Variants in EPHB1 observed in about 807,000 individuals in gnomAD.
The protein encoded by EPHB1 is EPH receptor B1, also known as ephrin type-B receptor 1.
A neutral mutation model predicts 94.4 loss-of-function variants in EPHB1; 30 were observed. That is an observed-to-expected ratio of 0.32 (90% confidence interval 0.24 to 0.43). EPHB1 has a LOEUF of 0.43. Ranked by LOEUF, EPHB1 falls within the 20% of genes least tolerant of loss-of-function variation. The pLI is 1.00. For missense variants in EPHB1, 1,055 were observed against 1,308.3 expected (o/e 0.81, Z 2.99); for synonymous variants, 522 against 489.1 (o/e 1.07, Z -0.89).
At chr3:134,812,284 A>G (rs540118835) in intron 1 of EPHB1, among the ~76,000 whole-genome samples, 26 of 152,242 alleles carry the variant, frequency 1.7e-4, no homozygotes, top group African/African-American at 6.3e-4. Context: ...GCCTCCCTTC[A>G]CTGCTGACCC....
Position 135,249,421 on chromosome 3 carries a change from G to C in EPHB1, c.2776G>C (p.Val926Leu), listed in dbSNP as rs1169739643. The change falls in exon 15 of 16, where the codon GTC (valine) becomes CTC (leucine). Residue 926 changes from valine to leucine, a missense_variant. Coordinates refer to ENST00000398015, the MANE Select transcript of EPHB1 (RefSeq NM_004441.5). ...TGACTGGCTCAGCGCCATCAAAATG[G>C]TCCAGTACAGGGACAGCTTCCTCAC... ...VDDWLSAIKM[V>L]QYRDSFLTAG... 6.2e-7 allele frequency: 1 copy of C among 1,613,912 alleles called. No homozygotes were observed. The highest frequency in any genetic ancestry group is 8.5e-7 in the Non-Finnish European group (1 of 1,179,900).
chr3:135,256,177 G>A (rs1933375868), intron 15 of EPHB1, among the ~76,000 whole-genome samples: 1 of 152,072 alleles, frequency 6.6e-6, no homozygotes, highest in African/African-American at 2.4e-5. Context: ...TATCCAATTT[G>A]CCAGTCTGTG....
chr3:135,222,212 C>T (rs1943291473), intron 12 of EPHB1, among the ~76,000 whole-genome samples: 1 of 152,126 alleles, frequency 6.6e-6, no homozygotes, highest in Admixed American at 6.5e-5. Context: ...AAGATTGGAT[C>T]ATAATAAATA....
intron 1 of EPHB1, among the ~76,000 whole-genome samples, chr3:134,806,415 G>A (rs2036043393): frequency 6.6e-6 from 1 of 152,172 alleles, no homozygotes; most frequent in Non-Finnish European, 1.5e-5. Flanking sequence ...CCAGCCCACA[G>A]CCAGCATGAG....
At chr3:135,076,449 G>A (rs1020053380) in intron 3 of EPHB1, among the ~76,000 whole-genome samples, 1 of 151,980 alleles carries the variant, frequency 6.6e-6, no homozygotes, top group African/African-American at 2.4e-5. Flanking sequence ...TCACTAGAAT[G>A]GATATAATTT....
chr3:134,922,252 T>G (rs1025316904), intron 1 of EPHB1, among the ~76,000 whole-genome samples: 1 of 152,234 alleles, frequency 6.6e-6, no homozygotes, highest in Admixed American at 6.5e-5. Flanking sequence ...AGTGCGCTCT[T>G]CCTCTCCAGG....
At chr3:135,112,141 A>G (rs1939472658) in intron 4 of EPHB1, among the ~76,000 whole-genome samples, 1 of 152,226 alleles carries the variant, frequency 6.6e-6, no homozygotes, top group Non-Finnish European at 1.5e-5. Context: ...AACAGAAGGA[A>G]AGTGACTGAT....
At chr3:135,258,128 C>A (rs1201583496) in intron 15 of EPHB1, among the ~76,000 whole-genome samples, 1 of 152,194 alleles carries the variant, frequency 6.6e-6, no homozygotes, top group East Asian at 1.9e-4. Flanking sequence ...GTGAGATGAA[C>A]CCGGTACCTC....
chr3:135,157,542 C>A (rs1295194522), intron 6 of EPHB1, among the ~76,000 whole-genome samples: 1 of 152,258 alleles, frequency 6.6e-6, no homozygotes, highest in Non-Finnish European at 1.5e-5. Flanking sequence ...CAGCCCAATG[C>A]CTGCAGCAGC....
intron 3 of EPHB1, among the ~76,000 whole-genome samples, chr3:135,078,462 T>G (rs535279697): frequency 6.6e-6 from 1 of 152,182 alleles, no homozygotes; most frequent in African/African-American, 2.4e-5. Flanking sequence ...TGCAGACAGG[T>G]AGAAGCCTGG....
At chr3:135,022,350 C>A (rs1033048947) in intron 3 of EPHB1, among the ~76,000 whole-genome samples, 7 of 152,138 alleles carry the variant, frequency 4.6e-5, no homozygotes, top group Non-Finnish European at 1.0e-4. Context: ...TTTTTAGTTA[C>A]ATTGCCACAT....
chr3:135,136,648 G>A (rs1940629460), intron 5 of EPHB1, among the ~76,000 whole-genome samples: 1 of 152,178 alleles, frequency 6.6e-6, no homozygotes, highest in Non-Finnish European at 1.5e-5. Context: ...TCATTTCTTG[G>A]CTGTGAGATG....
intron 3 of EPHB1, among the ~76,000 whole-genome samples, chr3:135,021,162 C>T (rs36055): frequency 0.056 from 8,556 of 152,156 alleles, 794 homozygotes; most frequent in African/African-American, 0.19. Flanking sequence ...TTTGCCTATT[C>T]ATTTTACCAG....
chr3:135,197,545 C>A (rs1343814594), intron 11 of EPHB1, among the ~76,000 whole-genome samples: 1 of 152,202 alleles, frequency 6.6e-6, no homozygotes, highest in East Asian at 1.9e-4. Context: ...ATCTATGATT[C>A]ATTTTGTTCA....
chr3:135,016,622 C>G (rs1384064633), intron 3 of EPHB1, among the ~76,000 whole-genome samples: 1 of 152,198 alleles, frequency 6.6e-6, no homozygotes, highest in African/African-American at 2.4e-5. Context: ...CCATGGCCAC[C>G]CAGTGCATCA....
At chr3:135,193,469 A>G (rs1266317040) in intron 11 of EPHB1, among the ~76,000 whole-genome samples, 1 of 152,070 alleles carries the variant, frequency 6.6e-6, no homozygotes, top group Admixed American at 6.6e-5. Flanking sequence ...CAATGAAACC[A>G]TTTTCATTTC....
chr3:135,106,995 T>A (rs1303148433), intron 4 of EPHB1, among the ~76,000 whole-genome samples: 1 of 152,214 alleles, frequency 6.6e-6, no homozygotes, highest in African/African-American at 2.4e-5. Flanking sequence ...GTTTCCTGTA[T>A]ATTTGTAACC....
In EPHB1 at chr3:135,158,811, T is replaced by G. The variant is rs1391019823; in HGVS notation, c.1423-3207T>G. ...ACAAACCATAGGAGGAGCATCTACA[T>G]CTGCTCTCAGCTGTCTTAATGATTA... is the stretch of plus-strand genomic sequence containing the variant. On this transcript the variant is annotated intron_variant, in intron 6 of 15. Transcript: ENST00000398015. Among the ~76,000 whole-genome samples the G allele has an allele frequency of 2.6e-5, 4 of 152,184 alleles. No homozygotes were observed. The East Asian group carries it at 7.7e-4, about 29-fold the overall frequency.
Position 135,052,890 on chromosome 3 carries a change from A to AAAAT in EPHB1, c.806-53557_806-53556insAATA, listed in dbSNP as rs1553726757. Among the ~76,000 whole-genome samples, 319 of 54,582 alleles carry AAAAT rather than the reference A, an allele frequency of 5.8e-3. 24 individuals are homozygous for AAAAT. Among genetic ancestry groups the AAAAT allele is most frequent in the East Asian group, 0.012 (20 of 1,674 alleles). 35.8% of individuals were successfully genotyped at this position (54,582 alleles called of 152,430 possible). A position where few individuals can be genotyped will look rare whatever the true frequency, so the allele number is the denominator to read the frequency against. Reference sequence around the variant, plus strand: ...AAAAAAAAAAAAAAAAAAAAAAAAAAATATATATATATATATATATGTGTG... The same window carrying AAAAT: ...AAAAAAAAAAAAAAAAAAAAAAAAAAAAATATATATATATATATATATATGTGTG... On this transcript the variant is annotated intron_variant, in intron 3 of 15. Transcript: ENST00000398015.
Sources: allele counts gnomAD v4.1 joint callset (sites outside exome capture counted in the v4.1 genomes callset), GRCh38; gene constraint gnomAD v4.1.1; transcripts MANE v1.5; gene names NCBI Gene and HGNC (gene_info 2026-07-23, HGNC 2026-07-21).